Variants in LDLRAP1 observed in about 807,000 individuals in gnomAD.
The protein encoded by LDLRAP1 is low density lipoprotein receptor adaptor protein 1.
A neutral mutation model predicts 37.8 loss-of-function variants in LDLRAP1; 30 were observed. That is an observed-to-expected ratio of 0.79 (90% CI 0.59 to 1.08). LDLRAP1 has a LOEUF of 1.08. Ranked by LOEUF, LDLRAP1 falls within the 50% of genes least tolerant of loss-of-function variation. The pLI, the probability that LDLRAP1 is intolerant of heterozygous loss-of-function variation, is 0.00. For synonymous variants in LDLRAP1, 156 were observed against 169.8 expected, an observed-to-expected ratio of 0.92 and a Z score of 0.63; for missense variants, 375 against 401.6, an observed-to-expected ratio of 0.93 and a Z score of 0.57.
At position 25,554,163 on chromosome 1, in the gene LDLRAP1, T is replaced by C; in HGVS notation, c.231+99T>C. ...CAGCTTGTTACTCCAGTTGGGTGTG[T>C]CTGAGCCTGGCCCTGCCCTTCATTC... On this transcript the variant is annotated intron_variant, in intron 2 of 8. Transcript: ENST00000374338. The surrounding 1 kb of genome is among the most constrained non-coding windows in gnomAD (Gnocchi z 5.4). The C allele has an allele frequency of 6.2e-6, 9 of 1,456,334 alleles. No individual in the cohort carries two copies. Among genetic ancestry groups the C allele is most frequent in the Non-Finnish European group, 8.5e-6 (9 of 1,058,076 alleles). The allele number at this position is 1,456,334 out of a possible 1,614,324, so 90.2% of individuals were successfully genotyped here. A position where few individuals can be genotyped will look rare whatever the true frequency, so the allele number is the denominator to read the frequency against.
At position 25,563,781 on chromosome 1, in the gene LDLRAP1, G is replaced by C; in HGVS notation, c.737G>C (p.Ser246Thr). The change falls in exon 7 of 9, where the codon AGT (serine) becomes ACT (threonine). Residue 246 changes from serine (S) to threonine (T), a missense_variant. By Grantham distance (58) the Ser-to-Thr change is moderately conservative. Transcript: ENST00000374338. ...CGGCCACAAGCCTTGAGTGGCAGCA[G>C]TGTTGTCTGGGTGAGTGGTTGTGTG... ...VPRPQALSGSSVVWELDDGLD... is the reference protein window; with the variant it reads ...VPRPQALSGSTVVWELDDGLD... 6.2e-7 allele frequency: 1 copy of C among 1,613,906 alleles called. No individual in the cohort carries two copies. Among genetic ancestry groups the C allele is most frequent in the Non-Finnish European group, 8.5e-7 (1 of 1,180,040 alleles).
the LDLRAP1 span, among the ~76,000 whole-genome samples, chr1:25,583,315 G>A: frequency 8.7e-5 from 13 of 150,068 alleles, no homozygotes; most frequent in South Asian, 4.3e-4. Flanking sequence ...TCAGCCTCCC[G>A]AATAGCTGGG....
In LDLRAP1 at chr1:25,554,316, A is replaced by G. The variant is rs1419988913; in HGVS notation, c.231+252A>G. Among the ~76,000 whole-genome samples the G allele has an allele frequency of 6.6e-6, 1 of 151,774 alleles. No homozygotes were observed. The highest frequency in any genetic ancestry group is 2.4e-5 in the African/African-American group (1 of 41,272). On this transcript the variant is annotated intron_variant, in intron 2 of 8. Transcript: ENST00000374338. The surrounding 1 kb of genome is among the most constrained non-coding windows in gnomAD (Gnocchi z 5.4). ...CCACCCCCAGCTCAGGCTCCCTACC[A>G]ATGCATTGGTGACTTATCAGCACCA...
At chr1:25,552,809 T>G (rs1039117392) in intron 1 of LDLRAP1, among the ~76,000 whole-genome samples, 1 of 152,192 alleles carries the variant, frequency 6.6e-6, no homozygotes, top group African/African-American at 2.4e-5. Flanking sequence ...TCCTGGTCCA[T>G]TTGCCCACCC....
At chr1:25,566,004 C>A (rs2044469087) in intron 8 of LDLRAP1, among the ~76,000 whole-genome samples, 1 of 152,176 alleles carries the variant, frequency 6.6e-6, no homozygotes, top group Admixed American at 6.5e-5. Flanking sequence ...AGTGGAAACC[C>A]CTTGGTCCAG....
the LDLRAP1 span, among the ~76,000 whole-genome samples, chr1:25,583,781 A>G: frequency 2.0e-5 from 3 of 151,720 alleles, no homozygotes. Flanking sequence ...ATCCTCCACC[A>G]TGTCTCTGCA....
At chr1:25,566,774 T>C in intron 8 of LDLRAP1, 74 bp from the exon 9 acceptor site, 1 of 1,544,862 alleles carries the variant, frequency 6.5e-7, no homozygotes, top group Non-Finnish European at 8.8e-7. Context: ...TCCCCACTGG[T>C]GCCCCCTCGC....
rs2043892825 is a variant in LDLRAP1 at position 25,544,793 on chromosome 1, C to T, written c.88+1007C>T. On this transcript the variant is annotated intron_variant, in intron 1 of 8. Transcript: ENST00000374338. The surrounding 1 kb of genome is among the most constrained non-coding windows in gnomAD (Gnocchi z 4.8). ...CTGCTGCACACTCCCACCTCCCTGC[C>T]ACCTACTTCGGGCCACAGCTTCTCC... Among the ~76,000 whole-genome samples, 1 of 152,238 alleles carries T rather than the reference C, an allele frequency of 6.6e-6. No individual in the cohort carries two copies. Among genetic ancestry groups the T allele is most frequent in the African/African-American group, 2.4e-5 (1 of 41,466 alleles).
rs1297634750 is a variant in LDLRAP1 at position 25,553,919 on chromosome 1, C to T, written c.89-3C>T. On this transcript the variant is annotated splice_region_variant and splice_polypyrimidine_tract_variant and intron_variant, in intron 1 of 8. Transcript: ENST00000374338. ...TCTGAGGGCCTACCCTGTGCTACCC[C>T]AGAGCTGCCTGAGAACTGGACAGAC... The T allele has an allele frequency of 6.2e-7, 1 of 1,613,590 alleles. No homozygotes were observed. Among genetic ancestry groups the T allele is most frequent in the South Asian group, 1.1e-5 (1 of 91,058 alleles).
chr1:25,575,967 G>A, the LDLRAP1 span, among the ~76,000 whole-genome samples: 4 of 152,126 alleles, frequency 2.6e-5, no homozygotes, highest in East Asian at 1.9e-4. Context: ...GGTGGCTCAC[G>A]CCTGTAATCC....
At chr1:25,573,331 G>A (rs186197171), downstream of LDLRAP1, among the ~76,000 whole-genome samples, 26 of 152,346 alleles carry the variant, frequency 1.7e-4, no homozygotes, top group Admixed American at 2.0e-4. Flanking sequence ...CAGTAGGAAG[G>A]GATTTAGTGA....
chr1:25,569,642 G>C (rs1007435028), downstream of LDLRAP1, among the ~76,000 whole-genome samples: 2 of 152,220 alleles, frequency 1.3e-5, no homozygotes, highest in South Asian at 4.1e-4. Flanking sequence ...AAAGGCAACT[G>C]GAACTCAATA....
At chr1:25,569,348 A>T (rs1226186869), downstream of LDLRAP1, among the ~76,000 whole-genome samples, 1 of 152,152 alleles carries the variant, frequency 6.6e-6, no homozygotes, top group African/African-American at 2.4e-5. Context: ...TACTGGGGAC[A>T]GGGGTCCAGG....
At chr1:25,587,196 G>A in the LDLRAP1 span, among the ~76,000 whole-genome samples, 1 of 152,084 alleles carries the variant, frequency 6.6e-6, no homozygotes. Flanking sequence ...CTGTCGCCCA[G>A]CCTGGAGTGT....
chr1:25,551,381 G>C (rs552150715), intron 1 of LDLRAP1, among the ~76,000 whole-genome samples: 127 of 152,282 alleles, frequency 8.3e-4, no homozygotes, highest in African/African-American at 3.0e-3. Flanking sequence ...AAAGTAGTAT[G>C]GTCTCATGGT....
chr1:25,582,759 A>G, the LDLRAP1 span, among the ~76,000 whole-genome samples: 13 of 152,080 alleles, frequency 8.5e-5, no homozygotes, highest in Admixed American at 2.6e-4. Context: ...TATAATTCAC[A>G]TATCATACAA....
intron 1 of LDLRAP1, among the ~76,000 whole-genome samples, chr1:25,548,421 C>T (rs982476772): frequency 6.4e-5 from 9 of 140,920 alleles, no homozygotes; most frequent in African/African-American, 2.4e-4. Context: ...GATCTTGGCT[C>T]AGTGCAACCT....
chr1:25,582,027 C>T, the LDLRAP1 span, among the ~76,000 whole-genome samples: 11 of 152,176 alleles, frequency 7.2e-5, no homozygotes, highest in East Asian at 9.7e-4. Flanking sequence ...CCCCACCCAG[C>T]GCAGGCCTGG....
rs1038095902 is a variant in LDLRAP1 at position 25,543,652 on chromosome 1, T to A, written c.-47T>A. The stretch of plus-strand genomic sequence containing the variant: ...GCAGGGCCGGGCGGAAAGTTTTTCC[T>A]GACGGAGTTTTGGCTGCGGCAGCGG... On this transcript the variant is annotated 5_prime_UTR_variant, in exon 1 of 9. Coordinates refer to ENST00000374338, the MANE Select transcript of LDLRAP1 (RefSeq NM_015627.3). 2 of 1,184,436 alleles carry A rather than the reference T, an allele frequency of 1.7e-6. No homozygotes were observed. Among genetic ancestry groups the A allele is most frequent in the Non-Finnish European group, 2.1e-6 (2 of 951,446 alleles). 73.4% of individuals were successfully genotyped at this position (1,184,436 alleles called of 1,614,324 possible). A position where few individuals can be genotyped will look rare whatever the true frequency, so the allele number is the denominator to read the frequency against.
Sources: allele counts gnomAD v4.1 joint callset (sites outside exome capture counted in the v4.1 genomes callset), GRCh38; gene constraint gnomAD v4.1.1; non-coding constraint Gnocchi (gnomAD v3.1); transcripts MANE v1.5; gene names NCBI Gene and HGNC (gene_info 2026-07-23, HGNC 2026-07-21).